ARHGEF40: variants seen among roughly 807,000 people sequenced by gnomAD.
ARHGEF40 encodes Rho guanine nucleotide exchange factor (GEF) 40.
In ARHGEF40, 98 loss-of-function variants were observed where a neutral mutation model predicts 165.9. The ratio of observed to expected loss-of-function variants is 0.59; its 90% CI spans 0.50 to 0.70. The LOEUF (loss-of-function observed/expected upper bound fraction) is 0.70. Ranked by LOEUF, ARHGEF40 falls within the 30% of genes least tolerant of loss-of-function variation. ARHGEF40 has a pLI of 0.00. For synonymous variants in ARHGEF40, 792 were observed against 814.3 expected (o/e 0.97, Z 0.47); for missense variants, 1,815 against 1,968.0 (o/e 0.92, Z 1.47).
At position 21,081,799 on chromosome 14, in the gene ARHGEF40, G is replaced by A; in HGVS notation, c.2931G>A (p.Gly977=). The A allele has an allele frequency of 1.9e-6, 3 of 1,600,478 alleles. No homozygotes were observed. Among genetic ancestry groups the A allele is most frequent in the South Asian group, 2.2e-5 (2 of 89,680 alleles). ...GGGCAGACGGTGCCAGCAGTGGAGG[G>A]GCCCAGTGGGGGCCCCGCAGCCCCT... The part of the protein sequence containing the change: ...RRRADGASSG[G]AQWGPRSPSP... Residue 977 remains glycine (G), a synonymous_variant, in exon 14 of 24, where the codon GGG becomes GGA. Coordinates refer to ENST00000298694, the MANE Select transcript of ARHGEF40 (RefSeq NM_018071.5).
At chr14:21,077,277 G>C (rs1034116309) in intron 8 of ARHGEF40, among the ~76,000 whole-genome samples, 1 of 115,696 alleles carries the variant, frequency 8.6e-6, no homozygotes, top group Non-Finnish European at 1.8e-5. Flanking sequence ...CCTAGTTTTT[G>C]TATTTTTTTT....
intron 11 of ARHGEF40, among the ~76,000 whole-genome samples, chr14:21,079,950 A>G (rs147235607): frequency 4.7e-4 from 72 of 152,280 alleles, no homozygotes; most frequent in African/African-American, 1.5e-3. Context: ...GTCCTCATCT[A>G]TAGAATGCGG....
chr14:21,084,175 C>A, intron 17 of ARHGEF40, 125 bp downstream of exon 17: 4 of 1,011,410 alleles, frequency 4.0e-6, no homozygotes, highest in Non-Finnish European at 5.6e-6. Context: ...TTCTAACCAG[C>A]TGGGTGGCCT....
rs1190416104 is a variant in ARHGEF40, at chr14:21,075,664, G to T, written c.1638G>T (p.Gly546=). 2 of 1,613,962 alleles carry T rather than the reference G, an allele frequency of 1.2e-6. No homozygotes were observed. The change falls in exon 5 of 24, where the codon GGG becomes GGT. Residue 546 remains glycine, a synonymous_variant. Transcript: ENST00000298694. This position sits in a 1 kb window ranked among gnomAD's most constrained non-coding sequence, Gnocchi z 4.5. Reference sequence around the variant, plus strand: ...CTTCAGGAGGGGTGGACCAGAGTGGGCGAGCTCTGCTGACCATTACCCCAC... The same window carrying T: ...CTTCAGGAGGGGTGGACCAGAGTGGTCGAGCTCTGCTGACCATTACCCCAC... ...LILTGGVDQS[G]RALLTITPPC...
the ARHGEF40 span, among the ~76,000 whole-genome samples, chr14:21,065,174 A>G: frequency 6.6e-6 from 1 of 151,784 alleles, no homozygotes; most frequent in Non-Finnish European, 1.5e-5. Flanking sequence ...CATCTCAAAA[A>G]AAAAAAAACA....
In ARHGEF40 at chr14:21,087,102, A is replaced by C. The variant is rs778224666; in HGVS notation, c.4240A>C (p.Arg1414=). Residue 1414 remains arginine (R), a synonymous_variant, in exon 20 of 24, where the codon AGA becomes CGA. Coordinates refer to ENST00000298694, the MANE Select transcript of ARHGEF40 (RefSeq NM_018071.5). ...ERTLSALLTG[R]AARTRASVAV... is the part of the protein sequence containing the mutation. ...GACGCTGAGTGCCCTGCTCACTGGAAGAGGTGAGGGCCAGGGTGCTGGGGG... is the reference window on the plus strand; with the variant it reads ...GACGCTGAGTGCCCTGCTCACTGGACGAGGTGAGGGCCAGGGTGCTGGGGG... 2 of 1,608,280 alleles carry C rather than the reference A, an allele frequency of 1.2e-6. No individual in the cohort carries two copies. Among genetic ancestry groups the C allele is most frequent in the Admixed American group, 1.7e-5 (1 of 59,030 alleles).
intron 11 of ARHGEF40, among the ~76,000 whole-genome samples, chr14:21,080,231 CA>C (rs1182246582): frequency 1.7e-4 from 24 of 142,804 alleles, no homozygotes; most frequent in Admixed American, 6.2e-4. Flanking sequence ...CACACACACA[CA>C]CACACACACA....
At chr14:21,087,520 G>A in intron 21 of ARHGEF40, 57 bp downstream of exon 21, 3 of 1,583,410 alleles carry the variant, frequency 1.9e-6, no homozygotes, top group Non-Finnish European at 2.6e-6. Context: ...GTGATGTTCA[G>A]GCTGCTTGCT....
chr14:21,087,062 A>G lies in ARHGEF40; in HGVS notation c.4200A>G (p.Lys1400=), dbSNP rs1405625925. The G allele has an allele frequency of 6.2e-7, 1 of 1,608,466 alleles. No individual in the cohort carries two copies. The highest frequency in any genetic ancestry group is 1.3e-5 in the African/African-American group (1 of 74,898). The change falls in exon 20 of 24, where the codon AAA becomes AAG. Residue 1400 remains lysine (K), a synonymous_variant. Transcript: ENST00000298694. ...GGAATAAACCCTTCCTGGACATCAA[A>G]GCCCTTGGGGAGCGGACGCTGAGTG... ...GIGNKPFLDI[K]ALGERTLSAL... is the part of the protein sequence containing the mutation.
At position 21,075,161 on chromosome 14, in the gene ARHGEF40, A is replaced by G. The variant is rs1054259782; in HGVS notation, c.1431A>G (p.Pro477=). 8 of 1,603,144 alleles carry G rather than the reference A, an allele frequency of 5.0e-6. No individual in the cohort carries two copies. The highest frequency in any genetic ancestry group is 6.8e-6 in the Non-Finnish European group (8 of 1,175,682). The change falls in exon 3 of 24, where the codon CCA becomes CCG. Residue 477 remains proline, a synonymous_variant. Coordinates refer to ENST00000298694, the MANE Select transcript of ARHGEF40 (RefSeq NM_018071.5). The surrounding 1 kb of genome is among the most constrained non-coding windows in gnomAD (Gnocchi z 4.5). The part of the protein sequence containing the change: ...EGAGERELEG[P]GLLCMAGHTG... ...CCGGAGAGAGAGAGCTGGAGGGGCC[A>G]GGCCTGCTGTGTATGGCAGGTGAGA... is the stretch of plus-strand genomic sequence containing the variant.
In ARHGEF40 at chr14:21,074,961, C is replaced by T; in HGVS notation, c.1231C>T (p.Gln411Ter). 6.2e-7 allele frequency: 1 copy of T among 1,609,468 alleles called. No individual in the cohort carries two copies. Among genetic ancestry groups the T allele is most frequent in the Non-Finnish European group, 8.5e-7 (1 of 1,178,322 alleles). The change falls in exon 3 of 24, where the codon CAA (glutamine) becomes TAA (stop). Residue 411 changes from glutamine to a stop codon, truncating the protein, a stop_gained. Coordinates refer to ENST00000298694, the MANE Select transcript of ARHGEF40 (RefSeq NM_018071.5). LOFTEE classifies it high-confidence loss of function. This position sits in a 1 kb window ranked among gnomAD's most constrained non-coding sequence, Gnocchi z 4.8. ...TGGGGACAAGGAAGATGCCAGCCACCAAGAAGCCCTTGGCAATCTGCCCTC... is the reference window on the plus strand; with the variant it reads ...TGGGGACAAGGAAGATGCCAGCCACTAAGAAGCCCTTGGCAATCTGCCCTC... ...SPGDKEDASH[Q>*]EALGNLPSPS...
intron 22 of ARHGEF40, 118 bp from the exon 23 acceptor site, chr14:21,088,712 C>A: frequency 1.8e-6 from 2 of 1,106,958 alleles, no homozygotes; most frequent in Non-Finnish European, 1.3e-6. Context: ...TAGCAAAATT[C>A]AAGGATTTTG....
Position 21,082,167 on chromosome 14 carries a change from G to A in ARHGEF40, c.3251+48G>A, listed in dbSNP as rs753136018. The A allele has an allele frequency of 5.8e-6, 9 of 1,563,630 alleles. No homozygotes were observed. In the Admixed American group the frequency reaches 1.5e-4, roughly 26 times the overall value. On this transcript the variant is annotated intron_variant, in intron 14 of 23. Transcript: ENST00000298694. ...GCTAAGAGGCGGAGCCAACTGCCCA[G>A]TAGGAAAAGAAGATGACATTGTTGG... is the stretch of plus-strand genomic sequence containing the variant.
intron 16 of ARHGEF40, 108 bp downstream of exon 16, chr14:21,083,025 A>C (rs1313818236): frequency 2.6e-5 from 24 of 935,422 alleles, no homozygotes; most frequent in Non-Finnish European, 3.6e-5. Flanking sequence ...CAGGAACATC[A>C]CCTACCAATC....
chr14:21,061,502 A>T, the ARHGEF40 span, among the ~76,000 whole-genome samples: 2 of 152,130 alleles, frequency 1.3e-5, no homozygotes, highest in Admixed American at 6.5e-5. Flanking sequence ...CCCATAAAAC[A>T]GGGCTCAGTG....
the ARHGEF40 span, among the ~76,000 whole-genome samples, chr14:21,062,321 G>A: frequency 3.9e-5 from 6 of 152,272 alleles, no homozygotes; most frequent in South Asian, 2.1e-4. Context: ...TTGCTGGGGC[G>A]TTTAGTAGGG....
intron 19 of ARHGEF40, 127 bp downstream of exon 19, chr14:21,085,993 T>A: frequency 9.0e-7 from 1 of 1,114,758 alleles, no homozygotes; most frequent in South Asian, 1.6e-5. Flanking sequence ...ATAATAAGAT[T>A]CAAGATTTGG....
At chr14:21,081,430 G>T in intron 13 of ARHGEF40, 79 bp from the exon 14 acceptor site, 1 of 1,556,158 alleles carries the variant, frequency 6.4e-7, no homozygotes, top group South Asian at 1.2e-5. Flanking sequence ...AGAGGACAAG[G>T]GCTGTCACTG....
chr14:21,087,558 AAGC>A, intron 21 of ARHGEF40, 95 bp downstream of exon 21: 1 of 1,526,378 alleles, frequency 6.6e-7, no homozygotes, highest in Non-Finnish European at 8.8e-7. Context: ...TCTAGCCAAG[AAGC>A]CCAGTTGCCA....
Sources: gnomAD v4.1 joint callset for allele counts (sites outside exome capture counted in the v4.1 genomes callset) on GRCh38, gnomAD v4.1.1 for gene constraint, Gnocchi (gnomAD v3.1) non-coding constraint, MANE v1.5 for transcripts, NCBI Gene and HGNC (gene_info 2026-07-23, HGNC 2026-07-21) for gene names.